Variants in RGS1 observed in about 807,000 individuals in gnomAD.
RGS1 encodes regulator of G protein signaling 1, also known as B-cell activation protein BL34.
A neutral mutation model predicts 22.2 loss-of-function variants in RGS1; 11 were observed. The ratio of observed to expected loss-of-function variants is 0.50; its 90% CI spans 0.31 to 0.82. RGS1 has a LOEUF of 0.82. RGS1 is among the 40% of genes least tolerant of loss of function. The pLI, the probability that RGS1 is intolerant of heterozygous loss-of-function variation, is 0.04. For missense variants in RGS1, 255 were observed against 245.8 expected (o/e 1.04, Z -0.25); for synonymous variants, 81 against 79.9 (o/e 1.01, Z -0.07).
Position 192,576,280 on chromosome 1 carries a change from T to G in RGS1, c.138-5T>G. 1 of 1,588,200 alleles carries G rather than the reference T, an allele frequency of 6.3e-7. No homozygotes were observed. The highest frequency in any genetic ancestry group is 8.6e-7 in the Non-Finnish European group (1 of 1,159,824). On this transcript the variant is annotated splice_polypyrimidine_tract_variant and splice_region_variant and intron_variant, in intron 1 of 4. Transcript: ENST00000367459. ...TATGAATATTCACTTTTATGTCTTT[T>G]GTAGTGGAATGGATATGAAAGCATA...
chr1:192,578,487 A>C, intron 4 of RGS1, 102 bp downstream of exon 4: 1 of 1,338,198 alleles, frequency 7.5e-7, no homozygotes, highest in Non-Finnish European at 1.0e-6. Context: ...TGGGGTATAT[A>C]ATTTTACTTC....
chr1:192,579,514 G>C lies in RGS1; in HGVS notation c.*192G>C. ...AAGAAGCATAAGCAAGACAAAAACA[G>C]AGAGACCGCAGAAGGAGGAAGATAC... is the stretch of plus-strand genomic sequence containing the variant. On this transcript the variant is annotated 3_prime_UTR_variant, in exon 5 of 5. Transcript: ENST00000367459. The C allele has an allele frequency of 1.8e-6, 1 of 546,108 alleles. No individual in the cohort carries two copies. The highest frequency in any genetic ancestry group is 3.2e-6 in the Non-Finnish European group (1 of 313,902). 33.8% of individuals were successfully genotyped at this position (546,108 alleles called of 1,614,324 possible).
chr1:192,578,006 TTGTC>T (rs1662094307), intron 3 of RGS1: 2 of 554,746 alleles, frequency 3.6e-6, no homozygotes, highest in South Asian at 2.7e-5. Context: ...ATGAATGAGT[TTGTC>T]TGGCCCCAGA....
At chr1:192,578,092 A>C (rs1662095722) in intron 3 of RGS1, 130 bp from the exon 4 acceptor site, 8 of 1,047,358 alleles carry the variant, frequency 7.6e-6, no homozygotes, top group Non-Finnish European at 9.6e-6. Context: ...CTATTTCAGC[A>C]GTAGCTGTCT....
At position 192,578,352 on chromosome 1, in the gene RGS1, T is replaced by C; in HGVS notation, c.411T>C (p.Tyr137=). 1.9e-6 allele frequency: 3 copies of C among 1,613,048 alleles called. No individual in the cohort carries two copies. Among genetic ancestry groups the C allele is most frequent in the Non-Finnish European group, 2.5e-6 (3 of 1,179,508 alleles). Residue 137 remains tyrosine (Y), a synonymous_variant, in exon 4 of 5, where the codon TAT becomes TAC. Coordinates refer to ENST00000367459, the MANE Select transcript of RGS1 (RefSeq NM_002922.4). ...TGCCCTGTAAAGCAGAAGAGATATA[T>C]AAAGCATTTGTGCATTCAGATGCTG... ...DLLPCKAEEI[Y]KAFVHSDAAK... is the part of the protein sequence containing the mutation.
intron 4 of RGS1, 109 bp downstream of exon 4, chr1:192,578,494 C>A: frequency 8.4e-7 from 1 of 1,195,658 alleles, no homozygotes; most frequent in Non-Finnish European, 1.2e-6. Context: ...TATAATTTTA[C>A]TTCTACATAC....
chr1:192,578,299 G>C lies in RGS1; in HGVS notation c.358G>C (p.Asp120His). The C allele has an allele frequency of 1.2e-6, 2 of 1,612,320 alleles. No homozygotes were observed. The highest frequency in any genetic ancestry group is 1.1e-5 in the South Asian group (1 of 91,004). The change falls in exon 4 of 5, where the codon GAC becomes CAC. Residue 120 changes from aspartate to histidine, a missense_variant. Coordinates refer to ENST00000367459, the MANE Select transcript of RGS1 (RefSeq NM_002922.4). ...ENIEFWLACEDYKKTESDLLP... is the reference protein window; with the variant it reads ...ENIEFWLACEHYKKTESDLLP... ...TATTGAGTTCTGGCTGGCTTGTGAA[G>C]ACTATAAGAAAACAGAGTCTGATCT...
Position 192,576,345 on chromosome 1 carries a change from A to G in RGS1, c.198A>G (p.Lys66=). The G allele has an allele frequency of 6.2e-7, 1 of 1,610,746 alleles. No homozygotes were observed. Among genetic ancestry groups the G allele is most frequent in the Non-Finnish European group, 8.5e-7 (1 of 1,177,448 alleles). ...TCCCACATCTGGAATCTGGAATGAA[A>G]TCTTCCAAGTCCAAGGATGTGTAAG... ...SMIPHLESGM[K]SSKSKDVLSA... is the part of the protein sequence containing the mutation. The change falls in exon 2 of 5, where the codon AAA becomes AAG. Residue 66 remains lysine, a synonymous_variant. Coordinates refer to ENST00000367459, the MANE Select transcript of RGS1 (RefSeq NM_002922.4).
intron 3 of RGS1, 73 bp from the exon 4 acceptor site, chr1:192,578,149 T>G (rs1662096206): frequency 2.2e-5 from 33 of 1,516,446 alleles, no homozygotes; most frequent in Non-Finnish European, 2.9e-5. Flanking sequence ...CTTACAAATT[T>G]CTTCTTCAAA....
Position 192,575,787 on chromosome 1 carries a change from A to T in RGS1, c.-6A>T, listed in dbSNP as rs551933514. 6.2e-7 allele frequency: 1 copy of T among 1,613,054 alleles called. No individual in the cohort carries two copies. The highest frequency in any genetic ancestry group is 1.3e-5 in the African/African-American group (1 of 75,006). ...CGTTGACTAGCGCATATTTGCTAAG[A>T]GCACCATGCGCGCAGCAGCCATCTC... is the stretch of plus-strand genomic sequence containing the variant. On this transcript the variant is annotated 5_prime_UTR_variant, in exon 1 of 5. Transcript: ENST00000367459.
intron 2 of RGS1, 125 bp from the exon 3 acceptor site, chr1:192,576,649 T>G (rs546457925): frequency 7.3e-5 from 62 of 853,044 alleles, no homozygotes; most frequent in East Asian, 6.6e-4. Context: ...GTGAATAAAT[T>G]TTAACATATT....
At chr1:192,576,670 A>G (rs1662065928) in intron 2 of RGS1, 104 bp from the exon 3 acceptor site, 4 of 970,208 alleles carry the variant, frequency 4.1e-6, no homozygotes, top group Admixed American at 4.8e-5. Flanking sequence ...TATTAGAACT[A>G]CAGTTTCAGT....
rs1662049988 is a variant in RGS1 at position 192,575,893 on chromosome 1, T to C, written c.101T>C (p.Leu34Pro). 1 of 1,613,216 alleles carries C rather than the reference T, an allele frequency of 6.2e-7. No homozygotes were observed. The highest frequency in any genetic ancestry group is 2.2e-5 in the East Asian group (1 of 44,862). Residue 34 changes from leucine (L) to proline (P), a missense_variant, in exon 1 of 5, where the codon CTA (leucine) becomes CCA (proline). Leu to Pro is a moderately conservative substitution (Grantham distance 98). Transcript: ENST00000367459. ...KELKGTTHSL[L>P]DDKMQKRRPK... ...TTGAAAGGAACCACTCATTCACTTC[T>C]AGACGACAAAATGCAAAAAAGGAGG...
intron 2 of RGS1, 75 bp downstream of exon 2, chr1:192,576,440 A>T: frequency 1.1e-5 from 12 of 1,067,708 alleles, no homozygotes; most frequent in Non-Finnish European, 1.7e-5. Context: ...TATCCCAGCA[A>T]GGGATAAATA....
Position 192,576,271 on chromosome 1 carries a change from T to C in RGS1, c.138-14T>C. On this transcript the variant is annotated splice_polypyrimidine_tract_variant and intron_variant, in intron 1 of 4. Transcript: ENST00000367459. ...CTGAAGAAATATGAATATTCACTTTTATGTCTTTTGTAGTGGAATGGATAT... is the reference window on the plus strand; with the variant it reads ...CTGAAGAAATATGAATATTCACTTTCATGTCTTTTGTAGTGGAATGGATAT... The C allele has an allele frequency of 6.4e-7, 1 of 1,557,478 alleles. No individual in the cohort carries two copies. Among genetic ancestry groups the C allele is most frequent in the Non-Finnish European group, 8.8e-7 (1 of 1,133,494 alleles).
intron 4 of RGS1, 103 bp downstream of exon 4, chr1:192,578,488 A>G (rs1317588160): frequency 1.5e-6 from 2 of 1,322,970 alleles, no homozygotes; most frequent in Non-Finnish European, 1.0e-6. Flanking sequence ...GGGGTATATA[A>G]TTTTACTTCT....
In RGS1 at chr1:192,579,427, A is replaced by T. The variant is rs1049782726; in HGVS notation, c.*105A>T. ...CTTGGCCTTTTTTGGGTGTCTTGAC[A>T]GGCCAAGAAGAACAAATGACTCAGA... On this transcript the variant is annotated 3_prime_UTR_variant, in exon 5 of 5. Transcript: ENST00000367459. 8 of 987,462 alleles carry T rather than the reference A, an allele frequency of 8.1e-6. No homozygotes were observed. In the African/African-American group the frequency reaches 1.3e-4, roughly 16 times the overall value. 61.2% of individuals were successfully genotyped at this position (987,462 alleles called of 1,614,324 possible). A position where few individuals can be genotyped will look rare whatever the true frequency, so the allele number is the denominator to read the frequency against.
Position 192,579,380 on chromosome 1 carries a change from G to C in RGS1, c.*58G>C. 1 of 1,544,652 alleles carries C rather than the reference G, an allele frequency of 6.5e-7. No homozygotes were observed. The highest frequency in any genetic ancestry group is 8.8e-7 in the Non-Finnish European group (1 of 1,130,142). ...TATCAAGCGCAGAAGGAATGTGCCA[G>C]TATGGCTCCCTGGGTGAACAGCTTG... is the stretch of plus-strand genomic sequence containing the variant. On this transcript the variant is annotated 3_prime_UTR_variant, in exon 5 of 5. Coordinates refer to ENST00000367459, the MANE Select transcript of RGS1 (RefSeq NM_002922.4).
In RGS1 at chr1:192,576,362, A is replaced by T. The variant is rs1318936479; in HGVS notation, c.215A>T (p.Asp72Val). ...ESGMKSSKSK[D>V]VLSAAEVMQW... ...GGAATGAAATCTTCCAAGTCCAAGG[A>T]TGTGTAAGTACACTAATACACTAAA... Residue 72 changes from aspartate (D) to valine (V), a missense_variant, in exon 2 of 5, where the codon GAT becomes GTT. Transcript: ENST00000367459. The T allele has an allele frequency of 6.3e-7, 1 of 1,599,690 alleles. No homozygotes were observed. The highest frequency in any genetic ancestry group is 1.7e-5 in the Admixed American group (1 of 59,854).
Sources: gnomAD v4.1 joint callset for allele counts on GRCh38, gnomAD v4.1.1 for gene constraint, MANE v1.5 for transcripts, NCBI Gene and HGNC (gene_info 2026-07-23, HGNC 2026-07-21) for gene names.